Variants in DNAJC28 observed in about 807,000 individuals in gnomAD.
DNAJC28 encodes DnaJ heat shock protein family (Hsp40) member C28.
A neutral mutation model predicts 33.3 loss-of-function variants in DNAJC28; 24 were observed. The observed-to-expected ratio is 0.72, with a 90% confidence interval of 0.52 to 1.01. DNAJC28 has a LOEUF of 1.01. DNAJC28 is among the 50% of genes least tolerant of loss of function. The pLI is 0.00. For missense variants in DNAJC28, 442 were observed against 455.2 expected (o/e 0.97, Z 0.26); for synonymous variants, 120 against 147.2 (o/e 0.82, Z 1.34).
rs373285255 is a variant in DNAJC28 at position 33,489,052 on chromosome 21, C to G, written c.342G>C (p.Gln114His). 27 of 1,612,912 alleles carry G rather than the reference C, an allele frequency of 1.7e-5. No homozygotes were observed. Among genetic ancestry groups the G allele is most frequent in the Non-Finnish European group, 2.1e-5 (25 of 1,179,810 alleles). Residue 114 changes from glutamine (Q) to histidine (H), a missense_variant, in exon 2 of 2, where the codon CAG (glutamine) becomes CAC (histidine). Gln to His is a conservative substitution (Grantham distance 24). Transcript: ENST00000381947. ...SHVIEQTNAS[Q>H]SKGEEEEDVE... ...CATCTTCTTCTTCTTCACCTTTACTCTGACTGGCATTTGTTTGTTCTATCA... is the reference window on the plus strand; with the variant it reads ...CATCTTCTTCTTCTTCACCTTTACTGTGACTGGCATTTGTTTGTTCTATCA...
rs2084483329 is a variant in DNAJC28, at chr21:33,488,460, T to G, written c.934A>C (p.Asn312His). 6.2e-7 allele frequency: 1 copy of G among 1,610,442 alleles called. No homozygotes were observed. Among genetic ancestry groups the G allele is most frequent in the Admixed American group, 1.7e-5 (1 of 59,104 alleles). Reference protein sequence around the residue: ...ENIRKLNKRINDFNLIVPILT... With the variant: ...ENIRKLNKRIHDFNLIVPILT... ...ATGGGAACAATTAAATTAAAATCAT[T>G]AATTCGCTTGTTTAATTTTCTGATG... The change falls in exon 2 of 2, where the codon AAT (asparagine) becomes CAT (histidine). Residue 312 changes from asparagine (N) to histidine (H), a missense_variant. Coordinates refer to ENST00000381947, the MANE Select transcript of DNAJC28 (RefSeq NM_001040192.3).
At position 33,488,407 on chromosome 21, in the gene DNAJC28, A is replaced by T; in HGVS notation, c.987T>A (p.Asp329Glu). The T allele has an allele frequency of 6.3e-7, 1 of 1,590,710 alleles. No individual in the cohort carries two copies. The highest frequency in any genetic ancestry group is 8.5e-7 in the Non-Finnish European group (1 of 1,173,360). Reference sequence around the variant, plus strand: ...GGGCTCTGACAATTTCTTTCTGAGCATCAAAATGGACTTTTTGCCTGGTCA... The same window carrying T: ...GGGCTCTGACAATTTCTTTCTGAGCTTCAAAATGGACTTTTTGCCTGGTCA... ...PILTRQKVHF[D>E]AQKEIVRAQK... The change falls in exon 2 of 2, where the codon GAT (aspartate) becomes GAA (glutamate). Residue 329 changes from aspartate (D) to glutamate (E), a missense_variant. Transcript: ENST00000381947.
Position 33,489,430 on chromosome 21 carries a change from A to C in DNAJC28, c.-31-6T>G, listed in dbSNP as rs557659644. The C allele has an allele frequency of 1.2e-5, 16 of 1,382,098 alleles. No individual in the cohort carries two copies. Among genetic ancestry groups the C allele is most frequent in the Non-Finnish European group, 1.3e-5 (14 of 1,039,752 alleles). The allele number at this position is 1,382,098 out of a possible 1,614,324, so 85.6% of individuals were successfully genotyped here. A position where few individuals can be genotyped will look rare whatever the true frequency, so the allele number is the denominator to read the frequency against. On this transcript the variant is annotated splice_region_variant and splice_polypyrimidine_tract_variant and intron_variant, in intron 1 of 1. Coordinates refer to ENST00000381947, the MANE Select transcript of DNAJC28 (RefSeq NM_001040192.3). ...GAGTTCTTCCTAGCAATGACCTATA[A>C]AACGACAACAAATATAGGTTGAACA... is the stretch of plus-strand genomic sequence containing the variant.
chr21:33,488,541 T>G lies in DNAJC28; in HGVS notation c.853A>C (p.Met285Leu). ...CACTGTTTCTTTTCAGTTGGTGTCA[T>G]TGGATTCCCAAGTTTTTTCCTAGAC... is the stretch of plus-strand genomic sequence containing the variant. ...LVSRKKLGNPMTPTEKKQWNH... is the reference protein window; with the variant it reads ...LVSRKKLGNPLTPTEKKQWNH... Residue 285 changes from methionine to leucine, a missense_variant, in exon 2 of 2, where the codon ATG becomes CTG. Transcript: ENST00000381947. 2 of 1,613,310 alleles carry G rather than the reference T, an allele frequency of 1.2e-6. No homozygotes were observed. The highest frequency in any genetic ancestry group is 2.7e-5 in the African/African-American group (2 of 75,036).
chr21:33,488,484 T>A lies in DNAJC28; in HGVS notation c.910A>T (p.Ile304Phe). The A allele has an allele frequency of 6.2e-7, 1 of 1,612,242 alleles. No homozygotes were observed. Among genetic ancestry groups the A allele is most frequent in the Non-Finnish European group, 8.5e-7 (1 of 1,179,556 alleles). Reference sequence around the variant, plus strand: ...TTAATTCGCTTGTTTAATTTTCTGATGTTTTCTTGAAACTGCTCACAAACA... The same window carrying A: ...TTAATTCGCTTGTTTAATTTTCTGAAGTTTTCTTGAAACTGCTCACAAACA... ...NHVCEQFQEN[I>F]RKLNKRINDF... The change falls in exon 2 of 2, where the codon ATC becomes TTC. Residue 304 changes from isoleucine (I) to phenylalanine (F), a missense_variant. Physicochemically the swap from Ile to Phe is conservative, Grantham distance 21. Coordinates refer to ENST00000381947, the MANE Select transcript of DNAJC28 (RefSeq NM_001040192.3).
intron 1 of DNAJC28, among the ~76,000 whole-genome samples, chr21:33,489,714 T>G (rs1385653643): frequency 6.6e-6 from 1 of 151,798 alleles, no homozygotes; most frequent in Non-Finnish European, 1.5e-5. Context: ...CTGGTCTGGA[T>G]ATCCTGACAT....
chr21:33,488,483 A>G lies in DNAJC28; in HGVS notation c.911T>C (p.Ile304Thr), dbSNP rs142171090. 3.1e-5 allele frequency: 50 copies of G among 1,611,934 alleles called. No individual in the cohort carries two copies. The highest frequency in any genetic ancestry group is 2.5e-4 in the Admixed American group (15 of 59,486). ...ATTAATTCGCTTGTTTAATTTTCTG[A>G]TGTTTTCTTGAAACTGCTCACAAAC... The part of the protein sequence containing the change: ...NHVCEQFQEN[I>T]RKLNKRINDF... The change falls in exon 2 of 2, where the codon ATC becomes ACC. Residue 304 changes from isoleucine (I) to threonine (T), a missense_variant. Physicochemically the swap from Ile to Thr is moderately conservative, Grantham distance 89 (BLOSUM62 -1). Coordinates refer to ENST00000381947, the MANE Select transcript of DNAJC28 (RefSeq NM_001040192.3).
Position 33,489,302 on chromosome 21 carries a change from T to G in DNAJC28, c.92A>C (p.Tyr31Ser). ...VIPNRVKMLPYFGIIRNRMMS... is the reference protein window; with the variant it reads ...VIPNRVKMLPSFGIIRNRMMS... Reference sequence around the variant, plus strand: ...CATTCTATTTCTAATGATACCAAAATATGGAAGCATTTTCACTCGATTAGG... The same window carrying G: ...CATTCTATTTCTAATGATACCAAAAGATGGAAGCATTTTCACTCGATTAGG... The change falls in exon 2 of 2, where the codon TAT becomes TCT. Residue 31 changes from tyrosine to serine, a missense_variant. Tyr to Ser is a moderately radical substitution (Grantham distance 144, BLOSUM62 -2). Transcript: ENST00000381947. 1 of 1,593,924 alleles carries G rather than the reference T, an allele frequency of 6.3e-7. No individual in the cohort carries two copies. Among genetic ancestry groups the G allele is most frequent in the Non-Finnish European group, 8.5e-7 (1 of 1,173,972 alleles).
In DNAJC28 at chr21:33,488,633, G is replaced by A; in HGVS notation, c.761C>T (p.Pro254Leu). 6.2e-7 allele frequency: 1 copy of A among 1,613,964 alleles called. No homozygotes were observed. Among genetic ancestry groups the A allele is most frequent in the Non-Finnish European group, 8.5e-7 (1 of 1,179,966 alleles). Reference protein sequence around the residue: ...NRILIDNGYQPEWILKQKEIS... With the variant: ...NRILIDNGYQLEWILKQKEIS... ...TTCCTTTTGCTTAAGGATCCATTCTGGTTGGTATCCATTATCGATCAGTAT... is the reference window on the plus strand; with the variant it reads ...TTCCTTTTGCTTAAGGATCCATTCTAGTTGGTATCCATTATCGATCAGTAT... Residue 254 changes from proline to leucine, a missense_variant, in exon 2 of 2, where the codon CCA (proline) becomes CTA (leucine). By Grantham distance (98) the Pro-to-Leu change is moderately conservative (BLOSUM62 -3). Transcript: ENST00000381947.
At chr21:33,491,269 G>A (rs1318874339) in intron 1 of DNAJC28, 1 of 152,252 alleles carries the variant, frequency 6.6e-6, no homozygotes, top group South Asian at 2.1e-4. Flanking sequence ...TACTGGAAGT[G>A]GCTTAATTGG....
intron 1 of DNAJC28, among the ~76,000 whole-genome samples, chr21:33,490,151 C>G (rs1487837765): frequency 6.7e-6 from 1 of 149,592 alleles, no homozygotes; most frequent in African/African-American, 2.5e-5. Context: ...GAGTCTCACC[C>G]AGGCTGGAGT....
At position 33,488,993 on chromosome 21, in the gene DNAJC28, C is replaced by T. The variant is rs201623013; in HGVS notation, c.401G>A (p.Arg134Gln). ...EKFKYKTPQHRHYLSFEGIGF... is the reference protein window; with the variant it reads ...EKFKYKTPQHQHYLSFEGIGF... ...AATACCTTCAAAACTTAAATAATGT[C>T]GGTGTTGGGGTGTTTTATATTTGAA... Residue 134 changes from arginine to glutamine, a missense_variant, in exon 2 of 2, where the codon CGA (arginine) becomes CAA (glutamine). Arg to Gln is a conservative substitution (Grantham distance 43, BLOSUM62 1). Coordinates refer to ENST00000381947, the MANE Select transcript of DNAJC28 (RefSeq NM_001040192.3). The T allele has an allele frequency of 1.8e-4, 291 of 1,613,564 alleles. 1 individual carries two copies. The highest frequency in any genetic ancestry group is 8.2e-4 in the Middle Eastern group (5 of 6,084).
At chr21:33,490,748 G>A (rs961977963) in intron 1 of DNAJC28, among the ~76,000 whole-genome samples, 8 of 152,002 alleles carry the variant, frequency 5.3e-5, no homozygotes, top group African/African-American at 1.9e-4. Context: ...GCAACAGAGT[G>A]AGACTCTGTC....
chr21:33,488,384 G>T lies in DNAJC28; in HGVS notation c.1010C>A (p.Ala337Asp), dbSNP rs1382560889. 1.6e-5 allele frequency: 25 copies of T among 1,592,062 alleles called. No individual in the cohort carries two copies. The Admixed American group carries it at 4.7e-4, about 30-fold the overall frequency. Residue 337 changes from alanine (A) to aspartate (D), a missense_variant, in exon 2 of 2, where the codon GCC becomes GAC. By Grantham distance (126) the Ala-to-Asp change is moderately radical. Transcript: ENST00000381947. ...HFDAQKEIVR[A>D]QKIYETLIKT... ...TATAAGGGTCTCGTATATTTTCTGG[G>T]CTCTGACAATTTCTTTCTGAGCATC...
Position 33,488,400 on chromosome 21 carries a change from T to A in DNAJC28, c.994A>T (p.Lys332Ter). ...ATTTTCTGGGCTCTGACAATTTCTT[T>A]CTGAGCATCAAAATGGACTTTTTGC... The part of the protein sequence containing the change: ...TRQKVHFDAQ[K>*]EIVRAQKIYE... The change falls in exon 2 of 2, where the codon AAA becomes TAA. Residue 332 changes from lysine (K) to a stop codon, truncating the protein, a stop_gained. Coordinates refer to ENST00000381947, the MANE Select transcript of DNAJC28 (RefSeq NM_001040192.3). LOFTEE classifies it high-confidence loss of function. The A allele has an allele frequency of 6.3e-7, 1 of 1,590,612 alleles. No individual in the cohort carries two copies. Among genetic ancestry groups the A allele is most frequent in the Non-Finnish European group, 8.5e-7 (1 of 1,173,482 alleles).
In DNAJC28 at chr21:33,488,689, G is replaced by GT; in HGVS notation, c.704dup (p.Tyr235Ter). 6.2e-7 allele frequency: 1 copy of GT among 1,610,902 alleles called. No individual in the cohort carries two copies. The highest frequency in any genetic ancestry group is 8.5e-7 in the Non-Finnish European group (1 of 1,179,278). Residue 235 changes from tyrosine (Y) to a stop codon, truncating the protein, a stop_gained and frameshift_variant, in exon 2 of 2, where the codon TAC becomes TAAC. Transcript: ENST00000381947. LOFTEE classifies it high-confidence loss of function. ...TCAGGTTGTGAGTCATGGGATCAAT[G>GT]TAAGAACAGTCAGAAAACTTTTTCA... ...KPLKKFSDCS[Y>*]IDPMTHNLNR... is the part of the protein sequence containing the mutation.
Position 33,489,178 on chromosome 21 carries a change from A to G in DNAJC28, c.216T>C (p.His72=). ...CSADEVRESF[H]KLAKQYHPDS... ...CAGGATGATATTGCTTGGCAAGCTT[A>G]TGAAAAGATTCCCTGACTTCATCTG... Residue 72 remains histidine (H), a synonymous_variant, in exon 2 of 2, where the codon CAT becomes CAC. Coordinates refer to ENST00000381947, the MANE Select transcript of DNAJC28 (RefSeq NM_001040192.3). The G allele has an allele frequency of 1.2e-6, 2 of 1,611,404 alleles. No homozygotes were observed. Among genetic ancestry groups the G allele is most frequent in the African/African-American group, 1.3e-5 (1 of 74,830 alleles).
At chr21:33,491,515 C>T (rs2084524462) in intron 1 of DNAJC28, 87 bp downstream of exon 1, 2 of 152,636 alleles carry the variant, frequency 1.3e-5, no homozygotes, top group Admixed American at 6.5e-5. Context: ...GTGTCCCTCC[C>T]ACCGCCTCCA....
intron 1 of DNAJC28, among the ~76,000 whole-genome samples, chr21:33,490,474 A>C (rs1157415384): frequency 6.6e-6 from 1 of 150,530 alleles, no homozygotes; most frequent in African/African-American, 2.4e-5. Flanking sequence ...GATGAAGTTT[A>C]GTGTTAACAT....
Sources: gnomAD v4.1 joint callset for allele counts (sites outside exome capture counted in the v4.1 genomes callset) on GRCh38, gnomAD v4.1.1 for gene constraint, MANE v1.5 for transcripts, NCBI Gene and HGNC (gene_info 2026-07-23, HGNC 2026-07-21) for gene names.